Variants in EXOC4 observed in about 807,000 individuals in gnomAD.
EXOC4 encodes SEC8-like 1.
Under a neutral mutation model 107.2 loss-of-function variants are expected in EXOC4, and 71 were observed. The ratio of observed to expected loss-of-function variants is 0.66; its 90% CI spans 0.55 to 0.81. The LOEUF (loss-of-function observed/expected upper bound fraction) is 0.81, where lower values mean the gene tolerates loss of function less well. Among genes scored for constraint, EXOC4 ranks in the 30% least tolerant of loss-of-function variants. The pLI is 0.00. For synonymous variants in EXOC4, 456 were observed against 441.2 expected, an observed-to-expected ratio of 1.03 and a Z score of -0.42; for missense variants, 1,108 against 1,189.6, an observed-to-expected ratio of 0.93 and a Z score of 1.01.
At chr7:134,036,560 C>T (rs1287745830) in intron 17 of EXOC4, among the ~76,000 whole-genome samples, 1 of 152,028 alleles carries the variant, frequency 6.6e-6, no homozygotes, top group Admixed American at 6.6e-5. Flanking sequence ...TGAACTCTAG[C>T]CTGGGAGAGA....
At chr7:133,355,086 G>A (rs961916922) in intron 5 of EXOC4, among the ~76,000 whole-genome samples, 3 of 152,124 alleles carry the variant, frequency 2.0e-5, no homozygotes, top group Non-Finnish European at 2.9e-5. Context: ...ACTTTGTGTA[G>A]CAGTTACAAG....
chr7:134,040,454 A>G (rs1161445963), intron 17 of EXOC4, among the ~76,000 whole-genome samples: 2 of 152,038 alleles, frequency 1.3e-5, no homozygotes, highest in South Asian at 2.1e-4. Flanking sequence ...TTCAAAACAC[A>G]TCGCACTCCC....
intron 17 of EXOC4, among the ~76,000 whole-genome samples, chr7:134,050,925 C>T (rs1288687855): frequency 6.6e-6 from 1 of 151,848 alleles, no homozygotes. Context: ...AGTTAAGAGG[C>T]AACTGTAACA....
At chr7:133,785,080 A>G (rs1796541223) in intron 10 of EXOC4, among the ~76,000 whole-genome samples, 1 of 152,300 alleles carries the variant, frequency 6.6e-6, no homozygotes, top group African/African-American at 2.4e-5. Flanking sequence ...ACCAGTTAAT[A>G]TATCCCCAGC....
intron 7 of EXOC4, among the ~76,000 whole-genome samples, chr7:133,431,759 G>A (rs1463465320): frequency 2.0e-5 from 3 of 152,208 alleles, no homozygotes; most frequent in African/African-American, 4.8e-5. Context: ...GACCGGACCC[G>A]TAATGAAGTT....
intron 9 of EXOC4, among the ~76,000 whole-genome samples, chr7:133,599,519 A>G (rs996170931): frequency 2.6e-5 from 4 of 152,200 alleles, no homozygotes; most frequent in African/African-American, 2.4e-5. Context: ...GAAGATGACC[A>G]TACTGTGTAA....
intron 17 of EXOC4, among the ~76,000 whole-genome samples, chr7:134,048,304 T>A (rs1038109937): frequency 1.3e-5 from 2 of 152,190 alleles, no homozygotes; most frequent in Non-Finnish European, 2.9e-5. Context: ...TGTAGGTAAT[T>A]TTTTAGTCCT....
rs768715396 is a variant in EXOC4, at chr7:133,475,323, T to TTA, written c.1183-5_1183-4insTA. The TTA allele has an allele frequency of 1.2e-6, 2 of 1,607,494 alleles. No individual in the cohort carries two copies. Among genetic ancestry groups the TTA allele is most frequent in the Non-Finnish European group, 8.5e-7 (1 of 1,175,526 alleles). On this transcript the variant is annotated splice_polypyrimidine_tract_variant and splice_region_variant and intron_variant, in intron 7 of 17. Coordinates refer to ENST00000253861, the MANE Select transcript of EXOC4 (RefSeq NM_021807.4). ...TAACATTAACTGATTTATCTGGTTG[T>TTA]ACAGATGCTATTAACTGAGTACTTG...
At chr7:133,278,584 A>G (rs1400077711) in intron 2 of EXOC4, among the ~76,000 whole-genome samples, 3 of 152,092 alleles carry the variant, frequency 2.0e-5, no homozygotes, top group Admixed American at 6.5e-5. Flanking sequence ...CAGGGGCATG[A>G]TTGGAGGTTT....
At chr7:133,526,221 TG>T (rs1470971322) in intron 9 of EXOC4, among the ~76,000 whole-genome samples, 1 of 152,234 alleles carries the variant, frequency 6.6e-6, no homozygotes, top group African/African-American at 2.4e-5. Context: ...CTTATTTCTT[TG>T]GAATGGTATA....
chr7:134,088,021 C>T, the EXOC4 span, among the ~76,000 whole-genome samples: 25 of 152,254 alleles, frequency 1.6e-4, 1 homozygote, highest in Admixed American at 9.8e-4. Context: ...CCCTCAAATA[C>T]CTATAAGTTG....
intron 11 of EXOC4, among the ~76,000 whole-genome samples, chr7:133,869,172 T>C (rs912382098): frequency 6.6e-6 from 1 of 152,082 alleles, no homozygotes; most frequent in Non-Finnish European, 1.5e-5. Flanking sequence ...TGTGGGCAGC[T>C]GAATTCCTGT....
chr7:133,888,852 C>G (rs1281787624), intron 11 of EXOC4, among the ~76,000 whole-genome samples: 3 of 152,134 alleles, frequency 2.0e-5, no homozygotes, highest in Admixed American at 6.5e-5. Context: ...GTTTCCTCAT[C>G]TTTAAACTGG....
At chr7:133,357,871 T>C (rs1306607426) in intron 6 of EXOC4, among the ~76,000 whole-genome samples, 1 of 152,170 alleles carries the variant, frequency 6.6e-6, no homozygotes, top group Admixed American at 6.5e-5. Flanking sequence ...CCCTTTATCC[T>C]TCTCCTGCCA....
chr7:133,606,069 G>A (rs1028639758), intron 9 of EXOC4, among the ~76,000 whole-genome samples: 2 of 152,110 alleles, frequency 1.3e-5, no homozygotes, highest in Non-Finnish European at 2.9e-5. Flanking sequence ...GATAAGGACA[G>A]GGAATTGTTC....
chr7:133,352,866 ACT>A (rs1795941991), intron 5 of EXOC4, among the ~76,000 whole-genome samples: 1 of 151,928 alleles, frequency 6.6e-6, no homozygotes, highest in African/African-American at 2.4e-5. Flanking sequence ...TAAAGTTATA[ACT>A]CTCTAACTTG....
At chr7:134,069,418 T>C (rs12531495), downstream of EXOC4, among the ~76,000 whole-genome samples, 112,522 of 145,702 alleles carry the variant, frequency 0.77, 44,056 homozygotes, top group African/African-American at 0.91. Context: ...CCTTCCTCCT[T>C]CCTCCTCTTC....
rs571376274 is a variant in EXOC4, at chr7:134,037,866, T to A, written c.2688-26425T>A. Among the ~76,000 whole-genome samples the A allele has an allele frequency of 3.1e-4, 47 of 152,334 alleles. 1 individual carries two copies. Among genetic ancestry groups the A allele is most frequent in the African/African-American group, 1.1e-3 (44 of 41,570 alleles). On this transcript the variant is annotated intron_variant, in intron 17 of 17. Coordinates refer to ENST00000253861, the MANE Select transcript of EXOC4 (RefSeq NM_021807.4). The stretch of plus-strand genomic sequence containing the variant: ...AGTTCTTGATAAAAAGGACCTTTTT[T>A]CTTTCTAGTATTCCAATTATAAGAT...
intron 7 of EXOC4, among the ~76,000 whole-genome samples, chr7:133,387,531 A>C (rs939027036): frequency 2.0e-5 from 3 of 152,142 alleles, no homozygotes. Context: ...TATTTCATCC[A>C]ATAATTTCTT....
Sources: gnomAD v4.1 joint callset for allele counts (sites outside exome capture counted in the v4.1 genomes callset) on GRCh38, gnomAD v4.1.1 for gene constraint, MANE v1.5 for transcripts, NCBI Gene and HGNC (gene_info 2026-07-23, HGNC 2026-07-21) for gene names.